Variants in APEX2 observed in about 807,000 individuals in gnomAD.
The protein encoded by APEX2 is apurinic/apyrimidinic endodeoxyribonuclease 2.
APEX2 carries 4 observed loss-of-function variants against 16.7 expected under a neutral mutation model. The observed-to-expected ratio is 0.24, with a 90% CI of 0.12 to 0.55. APEX2 has a LOEUF of 0.55. Ranked by LOEUF, APEX2 falls within the 20% of genes least tolerant of loss-of-function variation. The pLI, the probability that APEX2 is intolerant of heterozygous loss-of-function variation, is 0.94. For synonymous variants in APEX2, 181 were observed against 166.9 expected (o/e 1.08, Z -0.65); for missense variants, 357 against 433.6 (o/e 0.82, Z 1.57).
rs1446521138 is a variant in APEX2, at chrX:55,002,264, C to G, written c.255C>G (p.Phe85Leu). The change falls in exon 3 of 6, where the codon TTC becomes TTG. Residue 85 changes from phenylalanine to leucine, a missense_variant. Physicochemically the swap from Phe to Leu is conservative, Grantham distance 22. Coordinates refer to ENST00000374987, the MANE Select transcript of APEX2 (RefSeq NM_014481.4). ...GTCTGTTCCCAGGTGTAGCCACCTT[C>G]TGTAAGGACAATGCTACCCCAGTGG... ...NRSGYSGVAT[F>L]CKDNATPVAA... The G allele has an allele frequency of 8.4e-7, 1 of 1,197,557 alleles. No homozygotes were observed. Among genetic ancestry groups the G allele is most frequent in the Admixed American group, 2.3e-5 (1 of 43,656 alleles).
intron 3 of APEX2, 56 bp from the exon 4 acceptor site, chrX:55,002,906 G>A: frequency 8.6e-7 from 1 of 1,156,472 alleles, no homozygotes; most frequent in Non-Finnish European, 1.2e-6. Context: ...GTATGGGGAA[G>A]GGACAGAAGG....
At chrX:55,001,508 T>A in intron 1 of APEX2, 38 bp from the exon 2 acceptor site, 1 of 1,107,110 alleles carries the variant, frequency 9.0e-7, no homozygotes, top group South Asian at 2.0e-5. Flanking sequence ...CGGATGCTAG[T>A]TTTACCTCTG....
intron 5 of APEX2, among the ~76,000 whole-genome samples, chrX:55,004,953 A>G (rs28382691): frequency 0.014 from 1,608 of 111,932 alleles, 27 homozygotes; most frequent in African/African-American, 0.051. Context: ...CCACTGCCCT[A>G]GAATCCACAA....
chrX:55,003,644 T>G (rs1400633542), intron 4 of APEX2, among the ~76,000 whole-genome samples, 155 bp from the exon 5 acceptor site: 3 of 111,897 alleles, frequency 2.7e-5, no homozygotes, highest in East Asian at 2.8e-4. Context: ...GCAGCAAGTT[T>G]GTGGTAAGAT....
At position 55,006,937 on chromosome X, in the gene APEX2, G is replaced by T; in HGVS notation, c.1059G>T (p.Glu353Asp). ...LVPLEQSPVLEQSTLQHNNQT... is the reference protein window; with the variant it reads ...LVPLEQSPVLDQSTLQHNNQT... ...CTCTCGAACAAAGTCCTGTGTTGGA[G>T]CAGTCGACGCTGCAGCACAACAATC... The change falls in exon 6 of 6, where the codon GAG becomes GAT. Residue 353 changes from glutamate to aspartate, a missense_variant. Glu to Asp is a conservative substitution (Grantham distance 45, BLOSUM62 2). Coordinates refer to ENST00000374987, the MANE Select transcript of APEX2 (RefSeq NM_014481.4). 1 of 1,211,865 alleles carries T rather than the reference G, an allele frequency of 8.3e-7. No homozygotes were observed. The highest frequency in any genetic ancestry group is 1.1e-6 in the Non-Finnish European group (1 of 895,552).
At position 55,003,038 on chromosome X, in the gene APEX2, C is replaced by T. The variant is rs755988566; in HGVS notation, c.499C>T (p.Arg167Trp). 8.3e-7 allele frequency: 1 copy of T among 1,211,658 alleles called. No homozygotes were observed. Among genetic ancestry groups the T allele is most frequent in the Admixed American group, 2.2e-5 (1 of 46,076 alleles). ...CPHADPGRPE[R>W]LVFKMRFYRL... ...CCATGCGGACCCTGGGAGGCCTGAGCGGCTAGTCTTTAAGATGCGCTTCTA... is the reference window on the plus strand; with the variant it reads ...CCATGCGGACCCTGGGAGGCCTGAGTGGCTAGTCTTTAAGATGCGCTTCTA... Residue 167 changes from arginine to tryptophan, a missense_variant, in exon 4 of 6, where the codon CGG becomes TGG. Transcript: ENST00000374987.
At position 55,006,805 on chromosome X, in the gene APEX2, A is replaced by G. The variant is rs6651872; in HGVS notation, c.927A>G (p.Ala309=). ...GCTCTGACCACTGCCCTGTGGGTGCAGTCTTGAGTGTGTCCTCTGTGCCTG... is the reference window on the plus strand; with the variant it reads ...GCTCTGACCACTGCCCTGTGGGTGCGGTCTTGAGTGTGTCCTCTGTGCCTG... The part of the protein sequence containing the change: ...VMGSDHCPVG[A]VLSVSSVPAK... The change falls in exon 6 of 6, where the codon GCA becomes GCG. Residue 309 remains alanine, a synonymous_variant. Coordinates refer to ENST00000374987, the MANE Select transcript of APEX2 (RefSeq NM_014481.4). 2.7e-3 allele frequency: 3,300 copies of G among 1,210,044 alleles called. 57 individuals carry two copies. In the African/African-American group the frequency reaches 0.052, roughly 19 times the overall value.
In APEX2 at chrX:55,003,784, C is replaced by T. The variant is rs745486350; in HGVS notation, c.570-15C>T. ...GCTGCACCCCTTTCTAACAATCCCA[C>T]ATTGTGTTTTTCAGCCATGTGATCA... On this transcript the variant is annotated splice_polypyrimidine_tract_variant and intron_variant, in intron 4 of 5. Coordinates refer to ENST00000374987, the MANE Select transcript of APEX2 (RefSeq NM_014481.4). 20 of 1,205,698 alleles carry T rather than the reference C, an allele frequency of 1.7e-5. No homozygotes were observed. The African/African-American group carries it at 3.3e-4, about 20-fold the overall frequency.
At position 55,006,596 on chromosome X, in the gene APEX2, G is replaced by A. The variant is rs1170961927; in HGVS notation, c.718G>A (p.Val240Ile). 1 of 1,149,286 alleles carries A rather than the reference G, an allele frequency of 8.7e-7. No homozygotes were observed. Among genetic ancestry groups the A allele is most frequent in the Middle Eastern group, 2.5e-4 (1 of 4,062 alleles). The allele number at this position is 1,149,286 out of a possible 1,213,427, so 94.7% of individuals were successfully genotyped here. ...SNLGCQSASH[V>I]GPFIDSYRCF... ...CTTGGGGTGCCAGTCTGCCTCTCAT[G>A]TAGGGCCCTTCATCGATAGCTACCG... is the stretch of plus-strand genomic sequence containing the variant. Residue 240 changes from valine (V) to isoleucine (I), a missense_variant, in exon 6 of 6, where the codon GTA becomes ATA. Val to Ile is a conservative substitution (Grantham distance 29, BLOSUM62 3). Transcript: ENST00000374987.
intron 1 of APEX2, 61 bp from the exon 2 acceptor site, chrX:55,001,485 C>A (rs1935440590): frequency 1.5e-5 from 14 of 935,547 alleles, no homozygotes; most frequent in South Asian, 1.3e-4. Flanking sequence ...TAATTCCAGG[C>A]CTTTGTGTTT....
At position 55,003,111 on chromosome X, in the gene APEX2, A is replaced by G; in HGVS notation, c.569+3A>G. On this transcript the variant is annotated splice_donor_region_variant and intron_variant, in intron 4 of 5. Coordinates refer to ENST00000374987, the MANE Select transcript of APEX2 (RefSeq NM_014481.4). ...GAAGCCCTCCTGGCGGCAGGCAGGT[A>G]CTGCAAGCCTGGGCAGTAAGGCTTC... 8.3e-7 allele frequency: 1 copy of G among 1,211,155 alleles called. No individual in the cohort carries two copies. The highest frequency in any genetic ancestry group is 1.7e-5 in the African/African-American group (1 of 57,929).
chrX:55,000,609 A>C, intron 1 of APEX2, 30 bp downstream of exon 1: 1 of 1,170,791 alleles, frequency 8.5e-7, no homozygotes, highest in Non-Finnish European at 1.1e-6. Flanking sequence ...GGATCCCTAC[A>C]TACTTTTTCT....
At chrX:55,000,733 C>A (rs1224400280) in intron 1 of APEX2, among the ~76,000 whole-genome samples, 154 bp downstream of exon 1, 1 of 111,067 alleles carries the variant, frequency 9.0e-6, no homozygotes, top group Non-Finnish European at 1.9e-5. Context: ...ATTTCCCACC[C>A]TAGCTAGATC....
rs752210197 is a variant in APEX2, at chrX:55,003,499, A to G, written c.570-300A>G. On this transcript the variant is annotated intron_variant, in intron 4 of 5. Transcript: ENST00000374987. Reference sequence around the variant, plus strand: ...AAGTGAGGGTGGGTTAGAGCAATCAAGGGGAGGTGGTATCTGAGCTCAGCT... The same window carrying G: ...AAGTGAGGGTGGGTTAGAGCAATCAGGGGGAGGTGGTATCTGAGCTCAGCT... Among the ~76,000 whole-genome samples the G allele has an allele frequency of 3.5e-4, 39 of 112,329 alleles. No homozygotes were observed. The South Asian group carries it at 0.014, about 41-fold the overall frequency.
Position 55,003,799 on chromosome X carries a change from C to T in APEX2, c.570C>T (p.Ser190=). Residue 190 remains serine, a splice_region_variant and synonymous_variant, in exon 5 of 6, where the codon AGC becomes AGT. Coordinates refer to ENST00000374987, the MANE Select transcript of APEX2 (RefSeq NM_014481.4). ...IRAEALLAAG[S]HVIILGDLNT... is the part of the protein sequence containing the mutation. ...AACAATCCCACATTGTGTTTTTCAG[C>T]CATGTGATCATTCTGGGTGACCTGA... 1 of 1,210,311 alleles carries T rather than the reference C, an allele frequency of 8.3e-7. No homozygotes were observed. Among genetic ancestry groups the T allele is most frequent in the East Asian group, 3.0e-5 (1 of 33,834 alleles).
In APEX2 at chrX:55,003,788, G is replaced by A. The variant is rs1935474132; in HGVS notation, c.570-11G>A. 1 of 1,206,982 alleles carries A rather than the reference G, an allele frequency of 8.3e-7. No homozygotes were observed. The highest frequency in any genetic ancestry group is 1.1e-6 in the Non-Finnish European group (1 of 892,769). On this transcript the variant is annotated splice_polypyrimidine_tract_variant and intron_variant, in intron 4 of 5. Transcript: ENST00000374987. Reference sequence around the variant, plus strand: ...CACCCCTTTCTAACAATCCCACATTGTGTTTTTCAGCCATGTGATCATTCT... The same window carrying A: ...CACCCCTTTCTAACAATCCCACATTATGTTTTTCAGCCATGTGATCATTCT...
Position 55,006,520 on chromosome X carries a change from A to G in APEX2, c.642A>G (p.Glu214=), listed in dbSNP as rs1195189408. 1 of 1,107,023 alleles carries G rather than the reference A, an allele frequency of 9.0e-7. No homozygotes were observed. Among genetic ancestry groups the G allele is most frequent in the African/African-American group, 1.9e-5 (1 of 53,632 alleles). The allele number at this position is 1,107,023 out of a possible 1,213,427, so 91.2% of individuals were successfully genotyped here. The change falls in exon 6 of 6, where the codon GAA becomes GAG. Residue 214 remains glutamate, a splice_region_variant and synonymous_variant. Coordinates refer to ENST00000374987, the MANE Select transcript of APEX2 (RefSeq NM_014481.4). ...AACCCCCTTTCCTCCTCACCTAGGAATGCTTTGAAGAGGACCCAGGGCGCA... is the reference window on the plus strand; with the variant it reads ...AACCCCCTTTCCTCCTCACCTAGGAGTGCTTTGAAGAGGACCCAGGGCGCA... ...PIDHWDAVNL[E]CFEEDPGRKW...
At chrX:55,004,841 T>A (rs1199956797) in intron 5 of APEX2, among the ~76,000 whole-genome samples, 1 of 111,493 alleles carries the variant, frequency 9.0e-6, no homozygotes, top group African/African-American at 3.3e-5. Context: ...ATCTTAGCAC[T>A]ACTCCAGATC....
chrX:55,005,507 A>C (rs1935489147), intron 5 of APEX2, among the ~76,000 whole-genome samples: 1 of 111,619 alleles, frequency 9.0e-6, no homozygotes, highest in African/African-American at 3.3e-5. Context: ...CTTCAACTTA[A>C]AGCCTGGGAA....
Sources: gnomAD v4.1 joint callset for allele counts (sites outside exome capture counted in the v4.1 genomes callset) on GRCh38, gnomAD v4.1.1 for gene constraint, MANE v1.5 for transcripts, NCBI Gene and HGNC (gene_info 2026-07-23, HGNC 2026-07-21) for gene names.